KIAA1614: variants seen among roughly 807,000 people sequenced by gnomAD.
KIAA1614 encodes the protein uncharacterized protein KIAA1614.
KIAA1614 carries 76 observed loss-of-function variants against 88.7 expected under a neutral mutation model. The observed-to-expected ratio is 0.86, with a 90% confidence interval of 0.71 to 1.04. The LOEUF is 1.04. Among genes scored for constraint, KIAA1614 ranks in the 50% least tolerant of loss-of-function variants. KIAA1614 has a pLI of 0.00. For missense variants in KIAA1614, 1,553 were observed against 1,582.5 expected (o/e 0.98, Z 0.32); for synonymous variants, 714 against 675.5 (o/e 1.06, Z -0.88).
In KIAA1614 at chr1:180,936,597, C is replaced by A; in HGVS notation, c.2688C>A (p.Ala896=). The A allele has an allele frequency of 6.2e-7, 1 of 1,610,522 alleles. No individual in the cohort carries two copies. The highest frequency in any genetic ancestry group is 1.1e-5 in the South Asian group (1 of 90,640). The change falls in exon 5 of 9, where the codon GCC becomes GCA. Residue 896 remains alanine, a synonymous_variant. Coordinates refer to ENST00000367588, the MANE Select transcript of KIAA1614 (RefSeq NM_020950.2). ...GGCTGCAGGAGCCCTACGGGGGAGC[C>A]GTCCACGAGGGTAGGGTGGAGAGGG... The part of the protein sequence containing the change: ...PRGLQEPYGG[A]VHEGRVERGP...
chr1:180,929,475 T>C (rs933476970), intron 4 of KIAA1614, among the ~76,000 whole-genome samples: 2 of 152,102 alleles, frequency 1.3e-5, no homozygotes, highest in Non-Finnish European at 2.9e-5. Flanking sequence ...ATACAGGATC[T>C]TTAGAGGAGG....
rs1354139811 is a variant in KIAA1614, at chr1:180,941,080, C to A, written c.2954C>A (p.Pro985His). Residue 985 changes from proline (P) to histidine (H), a missense_variant, in exon 7 of 9, where the codon CCC becomes CAC. Coordinates refer to ENST00000367588, the MANE Select transcript of KIAA1614 (RefSeq NM_020950.2). ...SAGAGTGPGS[P>H]SAAPLDQNKK... ...GGAGCTGGCACAGGACCCGGCTCCCCCTCGGCTGCCCCTTTGGACCAGAAC... is the reference window on the plus strand; with the variant it reads ...GGAGCTGGCACAGGACCCGGCTCCCACTCGGCTGCCCCTTTGGACCAGAAC... The A allele has an allele frequency of 6.2e-7, 1 of 1,611,830 alleles. No homozygotes were observed. Among genetic ancestry groups the A allele is most frequent in the East Asian group, 2.2e-5 (1 of 44,822 alleles).
chr1:180,920,568 T>C (rs1653931424), intron 3 of KIAA1614, among the ~76,000 whole-genome samples: 1 of 152,246 alleles, frequency 6.6e-6, no homozygotes, highest in South Asian at 2.1e-4. Flanking sequence ...CAGTCAAGTG[T>C]TGCAATCAAA....
chr1:180,935,792 CG>C lies in KIAA1614; in HGVS notation c.1887del (p.Thr630ProfsTer60). The C allele has an allele frequency of 1.2e-6, 2 of 1,613,806 alleles. No individual in the cohort carries two copies. The highest frequency in any genetic ancestry group is 1.7e-6 in the Non-Finnish European group (2 of 1,179,938). On this transcript the variant is annotated frameshift_variant, in exon 5 of 9. Coordinates refer to ENST00000367588, the MANE Select transcript of KIAA1614 (RefSeq NM_020950.2). LOFTEE classifies it high-confidence loss of function. The surrounding 1 kb of genome is among the most constrained non-coding windows in gnomAD (Gnocchi z 6.1). ...SDNCRTDSEEAGTSQAGWACG... is the reference protein window; with the variant it reads ...SDNCRTDSEEXGTSQAGWACG... ...AACTGCAGGACCGACAGTGAGGAGG[CG>C]GGGACCTCTCAGGCTGGCTGGGCGT...
chr1:180,941,644 C>T (rs1654468185), intron 7 of KIAA1614, among the ~76,000 whole-genome samples: 1 of 152,240 alleles, frequency 6.6e-6, no homozygotes, highest in Admixed American at 6.5e-5. Context: ...GATCACTTCC[C>T]ACGTGGATTC....
chr1:180,926,785 A>G (rs1396516997), intron 3 of KIAA1614, among the ~76,000 whole-genome samples: 1 of 152,266 alleles, frequency 6.6e-6, no homozygotes, highest in Non-Finnish European at 1.5e-5. Flanking sequence ...CAGGGAGCAC[A>G]GCTGCTCTCA....
At chr1:180,938,532 G>C in intron 5 of KIAA1614, 23 bp from the exon 6 acceptor site, 1 of 1,612,238 alleles carries the variant, frequency 6.2e-7, no homozygotes, top group Non-Finnish European at 8.5e-7. Context: ...TCTGACTCAG[G>C]TGGGATGCTG....
At chr1:180,928,595 C>G (rs753217878) in intron 4 of KIAA1614, 22 bp downstream of exon 4, 8 of 1,606,296 alleles carry the variant, frequency 5.0e-6, no homozygotes, top group Non-Finnish European at 6.8e-6. Context: ...CTGGGCCAGG[C>G]TAGCCTGGGA....
In KIAA1614 at chr1:180,916,432, G is replaced by C; in HGVS notation, c.329G>C (p.Trp110Ser). 1 of 1,614,210 alleles carries C rather than the reference G, an allele frequency of 6.2e-7. No homozygotes were observed. The highest frequency in any genetic ancestry group is 2.2e-5 in the East Asian group (1 of 44,890). Residue 110 changes from tryptophan (W) to serine (S), a missense_variant, in exon 2 of 9, where the codon TGG becomes TCG. Transcript: ENST00000367588. ...AGTCCCTGCTCTGCTTCCCAAGAGTGGTCATCCCCCAAGAAACCCCAATGC... is the reference window on the plus strand; with the variant it reads ...AGTCCCTGCTCTGCTTCCCAAGAGTCGTCATCCCCCAAGAAACCCCAATGC... ...GVSPCSASQE[W>S]SSPKKPQCRR...
chr1:180,913,133 T>A lies in KIAA1614; in HGVS notation c.-111T>A, dbSNP rs1375338204. Reference sequence around the variant, plus strand: ...CGGCCGCGCCCCGAGGGGCGAGGCCTGCGGGCCGCACTCCCTCCGGCCCCG... The same window carrying A: ...CGGCCGCGCCCCGAGGGGCGAGGCCAGCGGGCCGCACTCCCTCCGGCCCCG... On this transcript the variant is annotated 5_prime_UTR_variant, in exon 1 of 9. Transcript: ENST00000367588. 2.4e-5 allele frequency: 20 copies of A among 846,580 alleles called. No individual in the cohort carries two copies. The highest frequency in any genetic ancestry group is 3.2e-6 in the Non-Finnish European group (2 of 634,372). The allele number at this position is 846,580 out of a possible 1,614,324, so 52.4% of individuals were successfully genotyped here. A position where few individuals can be genotyped will look rare whatever the true frequency, so the allele number is the denominator to read the frequency against.
chr1:180,936,633 C>A lies in KIAA1614; in HGVS notation c.2724C>A (p.Ser908Arg). Reference sequence around the variant, plus strand: ...GTAGGGTGGAGAGGGGCCCCTGCAGCCGGGAACCGGAGCCGCCCCTGGAGA... The same window carrying A: ...GTAGGGTGGAGAGGGGCCCCTGCAGACGGGAACCGGAGCCGCCCCTGGAGA... ...HEGRVERGPC[S>R]REPEPPLENS... The change falls in exon 5 of 9, where the codon AGC becomes AGA. Residue 908 changes from serine (S) to arginine (R), a missense_variant. Physicochemically the swap from Ser to Arg is moderately radical, Grantham distance 110. Transcript: ENST00000367588. 2 of 1,579,138 alleles carry A rather than the reference C, an allele frequency of 1.3e-6. No individual in the cohort carries two copies. The highest frequency in any genetic ancestry group is 1.7e-6 in the Non-Finnish European group (2 of 1,165,330).
intron 4 of KIAA1614, among the ~76,000 whole-genome samples, chr1:180,934,267 AAAAG>A (rs1469770951): frequency 0.043 from 4,899 of 113,814 alleles, 292 homozygotes; most frequent in African/African-American, 0.15. Flanking sequence ...AAAAAAAAAA[AAAAG>A]AAAAGAAAAG....
intron 3 of KIAA1614, among the ~76,000 whole-genome samples, chr1:180,921,500 T>C (rs2102258790): frequency 6.6e-6 from 1 of 152,258 alleles, no homozygotes; most frequent in Middle Eastern, 3.4e-3. Context: ...CTGCCAAGTA[T>C]TGGAGCCAGG....
At position 180,938,538 on chromosome 1, in the gene KIAA1614, T is replaced by A. The variant is rs762964691; in HGVS notation, c.2762-17T>A. On this transcript the variant is annotated splice_polypyrimidine_tract_variant and intron_variant, in intron 5 of 8. Coordinates refer to ENST00000367588, the MANE Select transcript of KIAA1614 (RefSeq NM_020950.2). ...ATGAGCCGGTCTGACTCAGGTGGGA[T>A]GCTGTGCTTGTTTCAGGAGGACCCC... 1 of 1,613,086 alleles carries A rather than the reference T, an allele frequency of 6.2e-7. No homozygotes were observed. Among genetic ancestry groups the A allele is most frequent in the Non-Finnish European group, 8.5e-7 (1 of 1,179,380 alleles).
In KIAA1614 at chr1:180,941,141, G is replaced by A. The variant is rs778615924; in HGVS notation, c.3015G>A (p.Gly1005=). The A allele has an allele frequency of 1.9e-6, 3 of 1,613,632 alleles. No individual in the cohort carries two copies. The highest frequency in any genetic ancestry group is 2.2e-5 in the South Asian group (2 of 91,070). ...GCAGCAGCATAGCCTCCACCCTGGG[G>A]CTGAAAAAGCTCTTCTCAGCCCTGG... is the stretch of plus-strand genomic sequence containing the variant. ...KRSSSIASTL[G]LKKLFSALGQ... The change falls in exon 7 of 9, where the codon GGG becomes GGA. Residue 1005 remains glycine (G), a synonymous_variant. Transcript: ENST00000367588.
intron 3 of KIAA1614, among the ~76,000 whole-genome samples, chr1:180,920,330 C>T (rs914244117): frequency 6.6e-5 from 10 of 152,222 alleles, no homozygotes; most frequent in South Asian, 2.1e-4. Context: ...CTCTATGCCC[C>T]GGGAGTGCCA....
At chr1:180,939,768 G>A (rs113211203) in intron 6 of KIAA1614, among the ~76,000 whole-genome samples, 61 of 152,004 alleles carry the variant, frequency 4.0e-4, no homozygotes, top group African/African-American at 1.4e-3. Flanking sequence ...TTCACACCCC[G>A]GCTGTGGTTG....
chr1:180,923,699 G>T (rs1447348416), intron 3 of KIAA1614, among the ~76,000 whole-genome samples: 1 of 152,064 alleles, frequency 6.6e-6, no homozygotes, highest in Non-Finnish European at 1.5e-5. Flanking sequence ...GCAGAGGCAC[G>T]TCGTAAAGAG....
At position 180,916,235 on chromosome 1, in the gene KIAA1614, G is replaced by A. The variant is rs1200500100; in HGVS notation, c.132G>A (p.Leu44=). Residue 44 remains leucine, a synonymous_variant, in exon 2 of 9, where the codon CTG becomes CTA. Transcript: ENST00000367588. The part of the protein sequence containing the change: ...AVEWSGPEPQ[L]DNGHPPRPWP... ...AGTGGAGTGGTCCTGAGCCACAGCTGGATAACGGACACCCCCCAAGACCCT... is the reference window on the plus strand; with the variant it reads ...AGTGGAGTGGTCCTGAGCCACAGCTAGATAACGGACACCCCCCAAGACCCT... The A allele has an allele frequency of 3.1e-6, 5 of 1,613,248 alleles. No homozygotes were observed. In the African/African-American group the frequency reaches 4.0e-5, roughly 13 times the overall value.
Sources: gnomAD v4.1 joint callset for allele counts (sites outside exome capture counted in the v4.1 genomes callset) on GRCh38, gnomAD v4.1.1 for gene constraint, Gnocchi (gnomAD v3.1) non-coding constraint, MANE v1.5 for transcripts, NCBI Gene and HGNC (gene_info 2026-07-23, HGNC 2026-07-21) for gene names.